ARHGAP22: variants seen among roughly 807,000 people sequenced by gnomAD.
The protein encoded by ARHGAP22 is Rho GTPase activating protein 22.
In ARHGAP22, 48 loss-of-function variants were observed where a neutral mutation model predicts 59.1. That is an observed-to-expected ratio of 0.81 (90% CI 0.64 to 1.03). The LOEUF is 1.03. ARHGAP22 is among the 50% of genes least tolerant of loss of function. The pLI, the probability that ARHGAP22 is intolerant of heterozygous loss-of-function variation, is 0.00. For synonymous variants in ARHGAP22, 445 were observed against 416.4 expected (o/e 1.07, Z -0.84); for missense variants, 1,015 against 958.7 (o/e 1.06, Z -0.78).
At chr10:48,600,394 A>G (rs1356959306) in intron 1 of ARHGAP22, among the ~76,000 whole-genome samples, 1 of 152,166 alleles carries the variant, frequency 6.6e-6, no homozygotes, top group African/African-American at 2.4e-5. Context: ...CACAGGAGAA[A>G]ACTTTCTGGG....
intron 3 of ARHGAP22, among the ~76,000 whole-genome samples, chr10:48,498,778 T>C (rs746625626): frequency 1.3e-5 from 2 of 151,948 alleles, no homozygotes; most frequent in Non-Finnish European, 2.9e-5. Flanking sequence ...AGCAGGGGAA[T>C]GGGACACCAG....
chr10:48,532,981 G>A (rs1161499622), intron 3 of ARHGAP22: 1 of 152,124 alleles, frequency 6.6e-6, no homozygotes, highest in African/African-American at 2.4e-5. Flanking sequence ...ATACAGAAGT[G>A]ATAAGCAGAA....
chr10:48,631,960 T>A (rs371601832), intron 1 of ARHGAP22, among the ~76,000 whole-genome samples: 4 of 152,208 alleles, frequency 2.6e-5, no homozygotes, highest in African/African-American at 9.7e-5. Context: ...CTCACTTTTT[T>A]TTACAATGAA....
intron 2 of ARHGAP22, among the ~76,000 whole-genome samples, chr10:48,578,502 C>A (rs2058900458): frequency 6.7e-6 from 1 of 149,050 alleles, no homozygotes; most frequent in African/African-American, 2.5e-5. Flanking sequence ...TTCTCATTAA[C>A]TACAGAAGTA....
the ARHGAP22 span, among the ~76,000 whole-genome samples, chr10:48,431,907 T>C: frequency 1.3e-5 from 2 of 152,230 alleles, no homozygotes; most frequent in Non-Finnish European, 2.9e-5. Context: ...TTATATACTT[T>C]ATTTCATTCA....
intron 3 of ARHGAP22, chr10:48,510,472 C>T (rs1269148187): frequency 6.6e-6 from 1 of 151,942 alleles, no homozygotes; most frequent in East Asian, 1.9e-4. Context: ...CCTGACCCCA[C>T]CCCTGGCACA....
intron 3 of ARHGAP22, among the ~76,000 whole-genome samples, chr10:48,547,582 G>A (rs1034700279): frequency 9.2e-5 from 14 of 152,236 alleles, no homozygotes; most frequent in African/African-American, 3.1e-4. Flanking sequence ...CCAGGATGGG[G>A]ACTAGACCCA....
chr10:48,655,241 ATG>A (rs71465467), upstream of ARHGAP22, among the ~76,000 whole-genome samples: 515 of 29,476 alleles, frequency 0.017, no homozygotes, highest in Admixed American at 0.021. Flanking sequence ...TGGAGAGTGG[ATG>A]TGTGTGTGTG....
chr10:48,477,156 CCTGA>C (rs1322941735), intron 4 of ARHGAP22, among the ~76,000 whole-genome samples: 2 of 152,218 alleles, frequency 1.3e-5, no homozygotes, highest in African/African-American at 4.8e-5. Flanking sequence ...TCCCTACTAT[CCTGA>C]CTTTCATAGC....
At chr10:48,449,988 A>ACCTTTGC (rs2045741091) in intron 9 of ARHGAP22, among the ~76,000 whole-genome samples, 1 of 152,232 alleles carries the variant, frequency 6.6e-6, no homozygotes, top group Non-Finnish European at 1.5e-5. Flanking sequence ...CCCTGCAGCA[A>ACCTTTGC]AGGTCCCCGG....
intron 3 of ARHGAP22, among the ~76,000 whole-genome samples, chr10:48,503,633 GT>G (rs1415951565): frequency 1.3e-4 from 20 of 152,354 alleles, no homozygotes; most frequent in African/African-American, 4.6e-4. Flanking sequence ...CCATCCCATG[GT>G]GCCGGGAGAA....
At chr10:48,603,742 G>C (rs962299465) in intron 1 of ARHGAP22, among the ~76,000 whole-genome samples, 1 of 152,232 alleles carries the variant, frequency 6.6e-6, no homozygotes, top group Non-Finnish European at 1.5e-5. Context: ...ACCCCACAGA[G>C]GGGTCCTGAC....
chr10:48,510,281 A>G (rs1024029738), intron 3 of ARHGAP22, among the ~76,000 whole-genome samples: 3 of 152,174 alleles, frequency 2.0e-5, no homozygotes, highest in African/African-American at 7.2e-5. Flanking sequence ...CATAGAAGGA[A>G]CTCCTCTTGA....
At chr10:48,631,356 G>T (rs557211284) in intron 1 of ARHGAP22, among the ~76,000 whole-genome samples, 13 of 152,190 alleles carry the variant, frequency 8.5e-5, no homozygotes, top group African/African-American at 2.9e-4. Flanking sequence ...TTTATATTCT[G>T]GAAGATACTG....
At chr10:48,647,302 G>A (rs1387243885) in intron 1 of ARHGAP22, among the ~76,000 whole-genome samples, 1 of 152,182 alleles carries the variant, frequency 6.6e-6, no homozygotes, top group African/African-American at 2.4e-5. Flanking sequence ...GCTGAGGCAG[G>A]AGAATCGCTT....
chr10:48,508,644 A>G (rs1033684621), intron 3 of ARHGAP22, among the ~76,000 whole-genome samples: 5 of 152,258 alleles, frequency 3.3e-5, no homozygotes, highest in Admixed American at 6.5e-5. Context: ...AGATGGGCCC[A>G]CTGCCAGGAG....
At position 48,551,143 on chromosome 10, in the gene ARHGAP22, C is replaced by T. The variant is rs540945452; in HGVS notation, c.322+4320G>A. On this transcript the variant is annotated intron_variant, in intron 3 of 9. Transcript: ENST00000249601. ...TTGCTTGCCAGGCAAGGTTGCAGTT[C>T]CCTCCCTGGTGGACGGTGTTGTGAA... Among the ~76,000 whole-genome samples, 7 of 152,228 alleles carry T rather than the reference C, an allele frequency of 4.6e-5. No homozygotes were observed. In the East Asian group the frequency reaches 9.6e-4, roughly 21 times the overall value.
intron 3 of ARHGAP22, chr10:48,524,345 C>G (rs1589937317): frequency 6.5e-6 from 1 of 154,368 alleles, no homozygotes; most frequent in South Asian, 2.0e-4. Context: ...CGCCGCGCCA[C>G]TGCCCGCTTT....
chr10:48,483,663 A>G (rs1564742673), intron 3 of ARHGAP22, among the ~76,000 whole-genome samples: 1 of 151,892 alleles, frequency 6.6e-6, no homozygotes. Context: ...TTTTTTTCAT[A>G]TACCTCTTCA....
Sources: allele counts gnomAD v4.1 joint callset (sites outside exome capture counted in the v4.1 genomes callset), GRCh38; gene constraint gnomAD v4.1.1; transcripts MANE v1.5; gene names NCBI Gene and HGNC (gene_info 2026-07-23, HGNC 2026-07-21).